Variants in CA7 observed in about 807,000 individuals in gnomAD.
CA7 encodes the protein carbonate dehydratase VII.
In CA7, 13 loss-of-function variants were observed where a neutral mutation model predicts 31.4. The ratio of observed to expected loss-of-function variants is 0.41; its 90% CI spans 0.27 to 0.66. The LOEUF (loss-of-function observed/expected upper bound fraction) is 0.66. Ranked by LOEUF, CA7 falls within the 30% of genes least tolerant of loss-of-function variation. CA7 has a pLI of 0.28. For synonymous variants in CA7, 128 were observed against 133.2 expected (o/e 0.96, Z 0.27); for missense variants, 215 against 351.0 (o/e 0.61, Z 3.10).
chr16:66,850,140 A>G (rs1961008909), intron 2 of CA7, among the ~76,000 whole-genome samples: 1 of 151,108 alleles, frequency 6.6e-6, no homozygotes, highest in Non-Finnish European at 1.5e-5. Flanking sequence ...AAAAAAAAAA[A>G]AAAGGAAAAA....
chr16:66,845,352 G>A, intron 1 of CA7: 1 of 413,926 alleles, frequency 2.4e-6, no homozygotes, highest in Non-Finnish European at 3.3e-6. Context: ...TGGGGAGCCA[G>A]TGCAAGACAG....
Position 66,847,222 on chromosome 16 carries a change from G to A in CA7, c.233G>A (p.Arg78Gln), listed in dbSNP as rs267604592. ...GTAGACTTCAATGACAGCGATGACC[G>A]AACCGGTAAGTGGCCCCTGCCAAAG... is the stretch of plus-strand genomic sequence containing the variant. The part of the protein sequence containing the change: ...VQVDFNDSDD[R>Q]TVVTGGPLEG... Residue 78 changes from arginine (R) to glutamine (Q), a missense_variant, in exon 2 of 7, where the codon CGA becomes CAA. Transcript: ENST00000338437. The A allele has an allele frequency of 2.0e-5, 32 of 1,613,956 alleles. No homozygotes were observed. The highest frequency in any genetic ancestry group is 2.3e-5 in the Non-Finnish European group (27 of 1,179,994).
chr16:66,850,938 T>C (rs1222429250), intron 3 of CA7, among the ~76,000 whole-genome samples: 3 of 152,164 alleles, frequency 2.0e-5, no homozygotes, highest in Non-Finnish European at 2.9e-5. Flanking sequence ...TTGAGCCCAG[T>C]ATTCAAGACT....
At position 66,852,746 on chromosome 16, in the gene CA7, A is replaced by G; in HGVS notation, c.551A>G (p.Lys184Arg). 1 of 1,613,946 alleles carries G rather than the reference A, an allele frequency of 6.2e-7. No homozygotes were observed. Among genetic ancestry groups the G allele is most frequent in the Non-Finnish European group, 8.5e-7 (1 of 1,179,906 alleles). The change falls in exon 6 of 7, where the codon AAG becomes AGG. Residue 184 changes from lysine (K) to arginine (R), a missense_variant. Coordinates refer to ENST00000338437, the MANE Select transcript of CA7 (RefSeq NM_005182.3). Reference protein sequence around the residue: ...TKAQFSCFNPKCLLPASRHYW... With the variant: ...TKAQFSCFNPRCLLPASRHYW... ...GCCCAGTTCAGCTGCTTCAACCCCAAGTGCCTCCTGCCTGCCAGCCGGCAC... is the reference window on the plus strand; with the variant it reads ...GCCCAGTTCAGCTGCTTCAACCCCAGGTGCCTCCTGCCTGCCAGCCGGCAC...
At chr16:66,845,818 G>A (rs1188400446) in intron 1 of CA7, among the ~76,000 whole-genome samples, 3 of 152,174 alleles carry the variant, frequency 2.0e-5, no homozygotes, top group African/African-American at 7.2e-5. Flanking sequence ...TGCTCCATGG[G>A]CCTGCTCCCC....
rs1960960486 is a variant in CA7, at chr16:66,847,836, G to A, written c.238+609G>A. ...CATCTTGGGCCAGTAAGAGGCCAGTGGGAATTCGTGGCAGCTCCTTCCAAG... is the reference window on the plus strand; with the variant it reads ...CATCTTGGGCCAGTAAGAGGCCAGTAGGAATTCGTGGCAGCTCCTTCCAAG... On this transcript the variant is annotated intron_variant, in intron 2 of 6. Coordinates refer to ENST00000338437, the MANE Select transcript of CA7 (RefSeq NM_005182.3). Among the ~76,000 whole-genome samples, 3 of 152,170 alleles carry A rather than the reference G, an allele frequency of 2.0e-5. No homozygotes were observed. The South Asian group carries it at 6.2e-4, about 31-fold the overall frequency.
intron 5 of CA7, 29 bp downstream of exon 5, chr16:66,851,755 C>T (rs748541412): frequency 1.3e-6 from 2 of 1,596,036 alleles, no homozygotes; most frequent in Non-Finnish European, 1.7e-6. Context: ...ACCCAAGCAG[C>T]CCGATGGGGA....
Position 66,851,648 on chromosome 16 carries a change from G to T in CA7, c.454-16G>T. ...ACACAGTGGGCTCTGGGCTCACACT[G>T]CCCTCTCCCTGACAGACAGGAGACG... On this transcript the variant is annotated splice_polypyrimidine_tract_variant and intron_variant, in intron 4 of 6. Coordinates refer to ENST00000338437, the MANE Select transcript of CA7 (RefSeq NM_005182.3). 1 of 1,614,012 alleles carries T rather than the reference G, an allele frequency of 6.2e-7. No homozygotes were observed. Among genetic ancestry groups the T allele is most frequent in the Non-Finnish European group, 8.5e-7 (1 of 1,179,894 alleles).
chr16:66,844,539 C>A lies in CA7; in HGVS notation c.40+12C>A, dbSNP rs1002816571. 2 of 1,539,538 alleles carry A rather than the reference C, an allele frequency of 1.3e-6. No individual in the cohort carries two copies. Among genetic ancestry groups the A allele is most frequent in the African/African-American group, 2.8e-5 (2 of 71,658 alleles). ...CGGCCAGGACGACGGTAGGCACAGA[C>A]CTCCCCCACCGCCTCTGGCTCGGAC... On this transcript the variant is annotated intron_variant, in intron 1 of 6. Coordinates refer to ENST00000338437, the MANE Select transcript of CA7 (RefSeq NM_005182.3).
intron 2 of CA7, among the ~76,000 whole-genome samples, chr16:66,847,898 A>T (rs551804411): frequency 6.6e-6 from 1 of 152,180 alleles, no homozygotes; most frequent in Admixed American, 6.5e-5. Context: ...AGATTCTTTC[A>T]TGATAAATTC....
intron 1 of CA7, among the ~76,000 whole-genome samples, chr16:66,845,895 C>T (rs909304329): frequency 2.0e-5 from 3 of 152,222 alleles, no homozygotes; most frequent in Non-Finnish European, 4.4e-5. Flanking sequence ...GGACAGAGGA[C>T]AGAGGTGCCG....
In CA7 at chr16:66,853,245, G is replaced by T; in HGVS notation, c.673-131G>T. On this transcript the variant is annotated intron_variant, in intron 6 of 6. Coordinates refer to ENST00000338437, the MANE Select transcript of CA7 (RefSeq NM_005182.3). The surrounding 1 kb of genome is among the most constrained non-coding windows in gnomAD (Gnocchi z 4.5). The stretch of plus-strand genomic sequence containing the variant: ...AGAGAAAAATGAGTGGGGAAGAGTA[G>T]GGACAGACCCTAAGGGAAGGAGGAG... The T allele has an allele frequency of 1.8e-6, 2 of 1,128,448 alleles. No individual in the cohort carries two copies. Among genetic ancestry groups the T allele is most frequent in the Non-Finnish European group, 1.3e-6 (1 of 776,060 alleles). 69.9% of individuals were successfully genotyped at this position (1,128,448 alleles called of 1,614,324 possible).
At chr16:66,849,685 C>T (rs570188478) in intron 2 of CA7, among the ~76,000 whole-genome samples, 38 of 152,240 alleles carry the variant, frequency 2.5e-4, no homozygotes, top group Middle Eastern at 3.4e-3. Context: ...CATGGGAAAT[C>T]GGGCAGGAGC....
rs75396411 is a variant in CA7 at position 66,848,636 on chromosome 16, G to T, written c.238+1409G>T. Among the ~76,000 whole-genome samples, 1,213 of 152,316 alleles carry T rather than the reference G, an allele frequency of 8.0e-3. 17 individuals carry two copies. The highest frequency in any genetic ancestry group is 0.028 in the African/African-American group (1,164 of 41,556). On this transcript the variant is annotated intron_variant, in intron 2 of 6. Coordinates refer to ENST00000338437, the MANE Select transcript of CA7 (RefSeq NM_005182.3). The stretch of plus-strand genomic sequence containing the variant: ...GGGCTCTGCCACTCACCCACTGTGG[G>T]TCACTCCAGAGGTCAGACGGGTTGA...
chr16:66,853,365 G>A lies in CA7; in HGVS notation c.673-11G>A. 1 of 1,614,094 alleles carries A rather than the reference G, an allele frequency of 6.2e-7. No individual in the cohort carries two copies. The highest frequency in any genetic ancestry group is 8.5e-7 in the Non-Finnish European group (1 of 1,179,992). On this transcript the variant is annotated splice_polypyrimidine_tract_variant and intron_variant, in intron 6 of 6. Coordinates refer to ENST00000338437, the MANE Select transcript of CA7 (RefSeq NM_005182.3). The surrounding 1 kb of genome is among the most constrained non-coding windows in gnomAD (Gnocchi z 4.5). Reference sequence around the variant, plus strand: ...CCAATCTGCCCTGAGCATTCCTTCTGCTTCCTCAAGATGGGGAAGTTCCGG... The same window carrying A: ...CCAATCTGCCCTGAGCATTCCTTCTACTTCCTCAAGATGGGGAAGTTCCGG...
At chr16:66,846,163 G>T (rs962142866) in intron 1 of CA7, among the ~76,000 whole-genome samples, 1 of 148,644 alleles carries the variant, frequency 6.7e-6, no homozygotes, top group East Asian at 1.9e-4. Flanking sequence ...GCGCCTGTGG[G>T]TGTGTATGCA....
At chr16:66,846,341 G>T (rs1960928772) in intron 1 of CA7, among the ~76,000 whole-genome samples, 1 of 152,156 alleles carries the variant, frequency 6.6e-6, no homozygotes, top group African/African-American at 2.4e-5. Context: ...AATGTTCTGG[G>T]CCTGGCTGCT....
rs1194216771 is a variant in CA7 at position 66,850,572 on chromosome 16, C to T, written c.270C>T (p.Tyr90=). The change falls in exon 3 of 7, where the codon TAC becomes TAT. Residue 90 remains tyrosine, a synonymous_variant. Coordinates refer to ENST00000338437, the MANE Select transcript of CA7 (RefSeq NM_005182.3). ...VVTGGPLEGP[Y]RLKQFHFHWG... ...CTGGGGGCCCCCTGGAAGGGCCCTA[C>T]CGCCTCAAGCAGTTTCACTTCCACT... 2 of 1,613,840 alleles carry T rather than the reference C, an allele frequency of 1.2e-6. No individual in the cohort carries two copies. Among genetic ancestry groups the T allele is most frequent in the Non-Finnish European group, 1.7e-6 (2 of 1,179,742 alleles).
chr16:66,853,147 A>G lies in CA7; in HGVS notation c.673-229A>G, dbSNP rs1961102643. Among the ~76,000 whole-genome samples, 1 of 152,202 alleles carries G rather than the reference A, an allele frequency of 6.6e-6. No individual in the cohort carries two copies. Among genetic ancestry groups the G allele is most frequent in the African/African-American group, 2.4e-5 (1 of 41,440 alleles). On this transcript the variant is annotated intron_variant, in intron 6 of 6. Transcript: ENST00000338437. The surrounding 1 kb of genome is among the most constrained non-coding windows in gnomAD (Gnocchi z 4.5). ...CTACATTTGCTGATAAGTCTTAGCT[A>G]GATGGGCTTGGAACTAGAACTAGGT... is the stretch of plus-strand genomic sequence containing the variant.
Sources: gnomAD v4.1 joint callset for allele counts (sites outside exome capture counted in the v4.1 genomes callset) on GRCh38, gnomAD v4.1.1 for gene constraint, Gnocchi (gnomAD v3.1) non-coding constraint, MANE v1.5 for transcripts, NCBI Gene and HGNC (gene_info 2026-07-23, HGNC 2026-07-21) for gene names.